The following TCF12 variants were observed in gnomAD, a reference collection of about 807,000 sequenced individuals.
TCF12 encodes the protein DNA-binding protein HTF4.
Under a neutral mutation model 86.0 loss-of-function variants are expected in TCF12, and 45 were observed. That is an observed-to-expected ratio of 0.52 (90% CI 0.41 to 0.67). The LOEUF (loss-of-function observed/expected upper bound fraction) is 0.67, where lower values mean the gene tolerates loss of function less well. Ranked by LOEUF, TCF12 falls within the 30% of genes least tolerant of loss-of-function variation. The pLI, the probability that TCF12 is intolerant of heterozygous loss-of-function variation, is 0.00. For missense variants in TCF12, 881 were observed against 859.9 expected (o/e 1.02, Z -0.31); for synonymous variants, 330 against 299.6 (o/e 1.10, Z -1.05).
At chr15:57,013,069 A>C (rs2064933335) in intron 3 of TCF12, among the ~76,000 whole-genome samples, 1 of 152,024 alleles carries the variant, frequency 6.6e-6, no homozygotes, top group South Asian at 2.1e-4. Flanking sequence ...ACTGTATGAT[A>C]GTATGGTATT....
chr15:56,949,273 A>G (rs2061155960), intron 3 of TCF12, among the ~76,000 whole-genome samples: 1 of 152,240 alleles, frequency 6.6e-6, no homozygotes. Context: ...GTGCAGTTTT[A>G]TCCCAGTAAT....
intron 3 of TCF12, among the ~76,000 whole-genome samples, chr15:56,972,771 A>G (rs1337629531): frequency 6.6e-6 from 1 of 152,168 alleles, no homozygotes; most frequent in East Asian, 1.9e-4. Flanking sequence ...AAAATCACAG[A>G]GAAGAATCAA....
intron 19 of TCF12, among the ~76,000 whole-genome samples, chr15:57,275,159 A>G (rs1265756219): frequency 6.6e-6 from 1 of 151,966 alleles, no homozygotes; most frequent in African/African-American, 2.4e-5. Context: ...CTGTCTAAGG[A>G]CTCTTTGACT....
In TCF12 at chr15:57,231,188, C is replaced by T. The variant is rs199642156; in HGVS notation, c.616C>T (p.Arg206Cys). 5.6e-5 allele frequency: 90 copies of T among 1,613,042 alleles called. No individual in the cohort carries two copies. The highest frequency in any genetic ancestry group is 7.0e-5 in the Non-Finnish European group (82 of 1,179,262). ...ATCCCCAAATTCAGATGATTTCAACCGTGAATCTCCTAGTTATCCATCTCC... is the reference window on the plus strand; with the variant it reads ...ATCCCCAAATTCAGATGATTTCAACTGTGAATCTCCTAGTTATCCATCTCC... ...APSPNSDDFNRESPSYPSPKP... is the reference protein window; with the variant it reads ...APSPNSDDFNCESPSYPSPKP... Residue 206 changes from arginine to cysteine, a missense_variant, in exon 9 of 21, where the codon CGT becomes TGT. Coordinates refer to ENST00000333725, the MANE Select transcript of TCF12 (RefSeq NM_207037.2).
chr15:57,041,676 G>A (rs2066903464), intron 3 of TCF12, among the ~76,000 whole-genome samples: 1 of 152,114 alleles, frequency 6.6e-6, no homozygotes, highest in Non-Finnish European at 1.5e-5. Flanking sequence ...GGCATCTCAT[G>A]TAAATGGGCT....
intron 3 of TCF12, among the ~76,000 whole-genome samples, chr15:57,014,348 T>C: frequency 6.6e-6 from 1 of 152,036 alleles, no homozygotes; most frequent in East Asian, 1.9e-4. Flanking sequence ...GGATATTTAG[T>C]GGGCCTTCCT....
intron 18 of TCF12, among the ~76,000 whole-genome samples, chr15:57,266,998 T>A (rs2060901231): frequency 6.6e-6 from 1 of 152,228 alleles, no homozygotes; most frequent in Admixed American, 6.5e-5. Flanking sequence ...CACTGCATTC[T>A]AGCCTGGCTA....
At chr15:57,278,319 A>G (rs1351827771) in intron 19 of TCF12, among the ~76,000 whole-genome samples, 9 of 152,182 alleles carry the variant, frequency 5.9e-5, no homozygotes, top group African/African-American at 2.2e-4. Context: ...GAATACTATT[A>G]GCTGCAGAAG....
At chr15:56,952,355 A>C in intron 3 of TCF12, among the ~76,000 whole-genome samples, 1 of 149,460 alleles carries the variant, frequency 6.7e-6, no homozygotes, top group Non-Finnish European at 1.5e-5. Context: ...TTTTTTTCAA[A>C]GTTATTTTGG....
intron 6 of TCF12, among the ~76,000 whole-genome samples, chr15:57,186,856 A>G (rs1465740774): frequency 3.3e-5 from 5 of 152,158 alleles, no homozygotes; most frequent in African/African-American, 1.2e-4. Context: ...AAAGGGGAAA[A>G]AAACCCATAT....
chr15:57,004,472 G>A (rs578179298), intron 3 of TCF12, among the ~76,000 whole-genome samples: 15 of 152,038 alleles, frequency 9.9e-5, no homozygotes, highest in East Asian at 9.7e-4. Flanking sequence ...GCAGTGGCGC[G>A]ATCTCAACTC....
chr15:57,016,499 G>A (rs993368040), intron 3 of TCF12, among the ~76,000 whole-genome samples: 4 of 152,214 alleles, frequency 2.6e-5, no homozygotes, highest in African/African-American at 9.6e-5. Flanking sequence ...ACCTCACCTT[G>A]CTGCTCAGAG....
chr15:57,102,941 G>A (rs542158334), intron 5 of TCF12, among the ~76,000 whole-genome samples: 28 of 152,180 alleles, frequency 1.8e-4, no homozygotes, highest in South Asian at 1.0e-3. Flanking sequence ...TTAGTGTATC[G>A]AACTGCTATA....
intron 5 of TCF12, among the ~76,000 whole-genome samples, chr15:57,119,120 G>C (rs554857886): frequency 6.6e-6 from 1 of 151,872 alleles, no homozygotes; most frequent in South Asian, 2.1e-4. Flanking sequence ...TTGTGACGGA[G>C]TCTCACTCTT....
rs539290267 is a variant in TCF12 at position 57,144,546 on chromosome 15, G to A, written c.326-21856G>A. ...TACTTGTGTTCCTAAACTTGTGACC[G>A]TTTTGTACTGATGATTGGGTAAGTC... On this transcript the variant is annotated intron_variant, in intron 5 of 20. Transcript: ENST00000333725. Among the ~76,000 whole-genome samples, 10 of 152,224 alleles carry A rather than the reference G, an allele frequency of 6.6e-5. No homozygotes were observed. In the South Asian group the frequency reaches 1.9e-3, roughly 28 times the overall value.
intron 3 of TCF12, among the ~76,000 whole-genome samples, chr15:56,929,920 A>C (rs2060172247): frequency 6.6e-6 from 1 of 152,188 alleles, no homozygotes; most frequent in African/African-American, 2.4e-5. Flanking sequence ...AGATCATTCT[A>C]GTTGCCAAAT....
intron 13 of TCF12, among the ~76,000 whole-genome samples, chr15:57,246,173 T>C (rs1326116063): frequency 2.0e-5 from 3 of 152,188 alleles, no homozygotes; most frequent in Admixed American, 1.3e-4. Flanking sequence ...CTATTCCTTA[T>C]GTTTTTGAGC....
chr15:57,060,095 T>G (rs961750595), intron 3 of TCF12, among the ~76,000 whole-genome samples: 1 of 152,220 alleles, frequency 6.6e-6, no homozygotes, highest in African/African-American at 2.4e-5. Context: ...CTCTGAAACC[T>G]TAAAAACTTG....
At chr15:56,931,629 A>G (rs2060253037) in intron 3 of TCF12, among the ~76,000 whole-genome samples, 1 of 152,174 alleles carries the variant, frequency 6.6e-6, no homozygotes, top group African/African-American at 2.4e-5. Flanking sequence ...TATTGGTGAA[A>G]AGTTTTCATA....
Sources: allele counts gnomAD v4.1 joint callset (sites outside exome capture counted in the v4.1 genomes callset), GRCh38; gene constraint gnomAD v4.1.1; transcripts MANE v1.5; gene names NCBI Gene and HGNC (gene_info 2026-07-23, HGNC 2026-07-21).